KCNN1: variants seen among roughly 807,000 people sequenced by gnomAD.
KCNN1 encodes the protein small conductance calcium-activated potassium channel protein 1.
KCNN1 carries 20 observed loss-of-function variants against 44.7 expected under a neutral mutation model. The ratio of observed to expected loss-of-function variants is 0.45; its 90% confidence interval spans 0.32 to 0.65. The LOEUF is 0.65. KCNN1 is among the 30% of genes least tolerant of loss of function. The pLI is 0.05. For synonymous variants in KCNN1, 324 were observed against 341.7 expected (o/e 0.95, Z 0.57); for missense variants, 632 against 785.3 (o/e 0.80, Z 2.33).
chr19:17,961,386 G>A (rs1470498013), intron 2 of KCNN1, among the ~76,000 whole-genome samples: 2 of 151,804 alleles, frequency 1.3e-5, no homozygotes, highest in African/African-American at 2.4e-5. Context: ...AGAGCAGCCT[G>A]GGCAACATAA....
chr19:17,972,513 T>A (rs2032056537), intron 1 of KCNN1, among the ~76,000 whole-genome samples: 1 of 152,216 alleles, frequency 6.6e-6, no homozygotes, highest in South Asian at 2.1e-4. Context: ...TTCTAGATCT[T>A]GGAGTTAAAG....
intron 1 of KCNN1, among the ~76,000 whole-genome samples, chr19:17,951,970 G>A (rs1443089833): frequency 6.6e-6 from 1 of 152,230 alleles, no homozygotes; most frequent in Non-Finnish European, 1.5e-5. Flanking sequence ...AGCACCTTGG[G>A]CCAGAGGCGG....
intron 4 of KCNN1, among the ~76,000 whole-genome samples, 182 bp downstream of exon 4, chr19:17,982,309 TC>T (rs1445968550): frequency 1.3e-5 from 2 of 151,980 alleles, no homozygotes; most frequent in Non-Finnish European, 2.9e-5. Flanking sequence ...GTAATCATCC[TC>T]CCTGGGGACC....
At chr19:17,988,585 C>T in intron 6 of KCNN1, 60 bp downstream of exon 6, 1 of 1,218,256 alleles carries the variant, frequency 8.2e-7, no homozygotes, top group Non-Finnish European at 1.2e-6. Context: ...CGTAGAACTT[C>T]CCTGCTTTCC....
chr19:17,952,591 C>T (rs527904805), intron 1 of KCNN1, among the ~76,000 whole-genome samples: 12 of 152,176 alleles, frequency 7.9e-5, no homozygotes, highest in Admixed American at 6.5e-4. Context: ...ATCCCCCTCC[C>T]TCCGCGAGGT....
At chr19:17,996,802 G>A (rs1198855171) in intron 9 of KCNN1, among the ~76,000 whole-genome samples, 2 of 152,154 alleles carry the variant, frequency 1.3e-5, no homozygotes, top group African/African-American at 4.8e-5. Flanking sequence ...AGTGGGGTCT[G>A]CCTTGCACTG....
At chr19:17,982,948 G>A (rs2145948816) in intron 4 of KCNN1, among the ~76,000 whole-genome samples, 1 of 152,198 alleles carries the variant, frequency 6.6e-6, no homozygotes, top group South Asian at 2.1e-4. Flanking sequence ...CCTGAGGCAG[G>A]AGAATCGCTT....
chr19:17,969,887 G>A (rs974397736), intron 1 of KCNN1, among the ~76,000 whole-genome samples: 1 of 152,230 alleles, frequency 6.6e-6, no homozygotes, highest in Non-Finnish European at 1.5e-5. Context: ...GCACCCTAGT[G>A]CAAGCTCCCA....
chr19:17,966,271 A>G (rs2031807682), upstream of KCNN1, among the ~76,000 whole-genome samples: 1 of 152,162 alleles, frequency 6.6e-6, no homozygotes, highest in Non-Finnish European at 1.5e-5. Flanking sequence ...TGGGGGACAG[A>G]GCTGAACACA....
chr19:17,991,916 G>A (rs547995169), intron 7 of KCNN1, among the ~76,000 whole-genome samples: 4 of 152,260 alleles, frequency 2.6e-5, no homozygotes, highest in African/African-American at 7.2e-5. Context: ...CAAGACAGGC[G>A]GCCGGCTAGA....
In KCNN1 at chr19:17,998,006, C is replaced by T; in HGVS notation, c.1378-146C>T. ...GACCTCTGGGGCTGGGGGTATCCTC[C>T]CAGCCACCCCTCACACGGGCCCCAT... On this transcript the variant is annotated intron_variant, in intron 9 of 9. Transcript: ENST00000684775. The surrounding 1 kb of genome is among the most constrained non-coding windows in gnomAD (Gnocchi z 5.4). 3 of 871,866 alleles carry T rather than the reference C, an allele frequency of 3.4e-6. No homozygotes were observed. The highest frequency in any genetic ancestry group is 4.0e-5 in the South Asian group (2 of 49,922). The allele number at this position is 871,866 out of a possible 1,614,324, so 54.0% of individuals were successfully genotyped here. A position where few individuals can be genotyped will look rare whatever the true frequency, so the allele number is the denominator to read the frequency against.
intron 3 of KCNN1, among the ~76,000 whole-genome samples, chr19:17,981,074 A>G (rs4808731): frequency 0.51 from 77,084 of 150,984 alleles, 19,930 homozygotes; most frequent in East Asian, 0.63. Flanking sequence ...AAAATTAGCC[A>G]GGCATGGTGG....
intron 1 of KCNN1, among the ~76,000 whole-genome samples, chr19:17,968,238 G>A (rs981553580): frequency 1.3e-5 from 2 of 152,182 alleles, no homozygotes; most frequent in Non-Finnish European, 2.9e-5. Flanking sequence ...TGTGGTACCC[G>A]GAAGCCCCTG....
upstream of KCNN1, among the ~76,000 whole-genome samples, chr19:17,962,197 G>A (rs774463210): frequency 6.6e-6 from 1 of 152,186 alleles, no homozygotes; most frequent in Non-Finnish European, 1.5e-5. Flanking sequence ...GGGGCCGCTG[G>A]TGGGCATGAC....
intron 5 of KCNN1, among the ~76,000 whole-genome samples, chr19:17,987,298 C>T (rs1267327382): frequency 6.6e-6 from 1 of 151,990 alleles, no homozygotes; most frequent in African/African-American, 2.4e-5. Context: ...TTAGTACAGA[C>T]AGGGTTTCAC....
chr19:17,955,257 TAAAAAAA>T (rs869247421), intron 2 of KCNN1, among the ~76,000 whole-genome samples: 1 of 127,706 alleles, frequency 7.8e-6, no homozygotes, highest in Non-Finnish European at 1.7e-5. Context: ...TCTCTTTAAT[TAAAAAAA>T]AAAAAAAGAA....
chr19:17,966,254 A>G (rs1051777014), upstream of KCNN1, among the ~76,000 whole-genome samples: 2 of 152,162 alleles, frequency 1.3e-5, no homozygotes, highest in African/African-American at 4.8e-5. Flanking sequence ...GGAAGCCCCC[A>G]GGCTGGTGGG....
chr19:17,991,199 C>T (rs2145969653), intron 7 of KCNN1, among the ~76,000 whole-genome samples: 1 of 152,212 alleles, frequency 6.6e-6, no homozygotes, highest in Non-Finnish European at 1.5e-5. Context: ...ACCTCGTAAT[C>T]CCAGCACTTT....
At chr19:17,996,312 A>C (rs1431681859) in intron 9 of KCNN1, among the ~76,000 whole-genome samples, 1 of 151,914 alleles carries the variant, frequency 6.6e-6, no homozygotes, top group Non-Finnish European at 1.5e-5. Flanking sequence ...TCTCTAAAAA[A>C]TAAAATTTTA....
Sources: allele counts gnomAD v4.1 joint callset (sites outside exome capture counted in the v4.1 genomes callset), GRCh38; gene constraint gnomAD v4.1.1; non-coding constraint Gnocchi (gnomAD v3.1); transcripts MANE v1.5; gene names NCBI Gene and HGNC (gene_info 2026-07-23, HGNC 2026-07-21).